The following MITF variants were observed in gnomAD, a reference collection of about 807,000 sequenced individuals.
MITF encodes the protein microphthalmia-associated transcription factor.
Under a neutral mutation model 60.5 loss-of-function variants are expected in MITF, and 17 were observed. The ratio of observed to expected loss-of-function variants is 0.28; its 90% CI spans 0.19 to 0.42. The LOEUF (loss-of-function observed/expected upper bound fraction) is 0.42. MITF is among the 10% of genes least tolerant of loss of function. The pLI, the probability that MITF is intolerant of heterozygous loss-of-function variation, is 1.00. For missense variants in MITF, 622 were observed against 683.5 expected (o/e 0.91, Z 1.00); for synonymous variants, 260 against 248.5 (o/e 1.05, Z -0.43).
chr3:69,821,677 G>GAAA (rs71620104), intron 1 of MITF, among the ~76,000 whole-genome samples: 35,733 of 111,340 alleles, frequency 0.32, 6,335 homozygotes, highest in Non-Finnish European at 0.43. Flanking sequence ...TTTAGAAAAG[G>GAAA]AAAAAAAAAA....
At chr3:69,879,824 A>G (rs1244723306) in intron 2 of MITF, among the ~76,000 whole-genome samples, 1 of 152,202 alleles carries the variant, frequency 6.6e-6, no homozygotes, top group Non-Finnish European at 1.5e-5. Context: ...AGCTCTTCAC[A>G]TATAAGATTG....
At chr3:69,887,607 A>G (rs1352944894) in intron 2 of MITF, among the ~76,000 whole-genome samples, 1 of 152,094 alleles carries the variant, frequency 6.6e-6, no homozygotes, top group Non-Finnish European at 1.5e-5. Flanking sequence ...TCCGAATTGG[A>G]GCATATGAAT....
intron 1 of MITF, among the ~76,000 whole-genome samples, chr3:69,784,000 T>A (rs2062608722): frequency 6.6e-6 from 1 of 152,222 alleles, no homozygotes; most frequent in African/African-American, 2.4e-5. Flanking sequence ...CTCTTTCTTC[T>A]CCCCTTTCAA....
chr3:69,814,797 T>C (rs1022059590), intron 1 of MITF, among the ~76,000 whole-genome samples: 3 of 152,084 alleles, frequency 2.0e-5, no homozygotes, highest in African/African-American at 7.2e-5. Flanking sequence ...TGGAGTCACA[T>C]GGAGATTTGC....
chr3:69,812,403 T>A (rs1575751850), intron 1 of MITF, among the ~76,000 whole-genome samples: 2 of 152,246 alleles, frequency 1.3e-5, no homozygotes, highest in East Asian at 3.9e-4. Context: ...AATGTGAGAT[T>A]TGAGTTGTTT....
chr3:69,777,137 A>C (rs2062487266), intron 1 of MITF, among the ~76,000 whole-genome samples: 2 of 152,214 alleles, frequency 1.3e-5, no homozygotes, highest in South Asian at 4.1e-4. Flanking sequence ...TATTCATGGA[A>C]AATGACTCAT....
chr3:69,958,046 T>C (rs1217134417), intron 8 of MITF, among the ~76,000 whole-genome samples: 2 of 152,126 alleles, frequency 1.3e-5, no homozygotes, highest in African/African-American at 4.8e-5. Flanking sequence ...GTCCCTCTTA[T>C]TACCAAACAA....
At chr3:69,843,441 C>A (rs1392228107) in intron 1 of MITF, among the ~76,000 whole-genome samples, 1 of 152,134 alleles carries the variant, frequency 6.6e-6, no homozygotes, top group Non-Finnish European at 1.5e-5. Context: ...CCTCCCTCCA[C>A]CCCCGGCAAT....
chr3:69,895,808 T>TTGTGTGTGTGTGTGTGTGTG (rs35088149), intron 2 of MITF, among the ~76,000 whole-genome samples: 17 of 140,050 alleles, frequency 1.2e-4, no homozygotes, highest in Non-Finnish European at 9.3e-5. Context: ...TGTGGAGTGT[T>TTGTGTGTGTGTGTGTGTGTG]TGTGTGTGTG....
intron 1 of MITF, among the ~76,000 whole-genome samples, chr3:69,760,064 C>T (rs2062189512): frequency 6.6e-6 from 1 of 152,230 alleles, no homozygotes; most frequent in Non-Finnish European, 1.5e-5. Flanking sequence ...AGGCGTGAGC[C>T]ACTGCGCCCA....
intron 1 of MITF, among the ~76,000 whole-genome samples, chr3:69,752,828 C>T (rs1575664532): frequency 6.6e-6 from 1 of 152,160 alleles, no homozygotes; most frequent in Non-Finnish European, 1.5e-5. Context: ...CCTCCCTTGT[C>T]ATTCTCTCTT....
intron 1 of MITF, among the ~76,000 whole-genome samples, chr3:69,855,950 T>C (rs1433225691): frequency 1.3e-5 from 2 of 152,318 alleles, no homozygotes; most frequent in African/African-American, 2.4e-5. Flanking sequence ...CATGGTGATA[T>C]TCTCAGTCCT....
chr3:69,785,421 C>A (rs2062632454), intron 1 of MITF, among the ~76,000 whole-genome samples: 1 of 152,164 alleles, frequency 6.6e-6, no homozygotes, highest in African/African-American at 2.4e-5. Flanking sequence ...TCTTTCATGT[C>A]AGTTTTACAG....
chr3:69,745,322 A>G (rs1216841959), intron 1 of MITF, among the ~76,000 whole-genome samples: 1 of 152,086 alleles, frequency 6.6e-6, no homozygotes, highest in Non-Finnish European at 1.5e-5. Context: ...ATTGTGCAAA[A>G]TTCAAAGATA....
At chr3:69,789,004 T>A (rs2062696808) in intron 1 of MITF, among the ~76,000 whole-genome samples, 1 of 152,058 alleles carries the variant, frequency 6.6e-6, no homozygotes, top group South Asian at 2.1e-4. Context: ...GAAGAAGATG[T>A]ATGGAAAAAA....
chr3:69,962,861 G>T (rs985708370), intron 9 of MITF, among the ~76,000 whole-genome samples: 1 of 152,184 alleles, frequency 6.6e-6, no homozygotes, highest in Non-Finnish European at 1.5e-5. Flanking sequence ...GCCACTGACT[G>T]GGTGGTAAAC....
At chr3:69,824,467 G>A (rs1218229485) in intron 1 of MITF, among the ~76,000 whole-genome samples, 1 of 152,166 alleles carries the variant, frequency 6.6e-6, no homozygotes, top group African/African-American at 2.4e-5. Context: ...TCTGCTCTGT[G>A]AAAATGGACC....
intron 1 of MITF, among the ~76,000 whole-genome samples, chr3:69,750,509 G>A (rs1195361873): frequency 1.9e-4 from 27 of 143,914 alleles, no homozygotes; most frequent in Admixed American, 1.4e-3. Context: ...ATTCTGATCT[G>A]GTGAATTTTT....
Position 69,879,173 on chromosome 3 carries a change from A to G in MITF, c.144A>G (p.Ile48Met). 1 of 1,614,234 alleles carries G rather than the reference A, an allele frequency of 6.2e-7. No individual in the cohort carries two copies. The highest frequency in any genetic ancestry group is 8.5e-7 in the Non-Finnish European group (1 of 1,180,044). Residue 48 changes from isoleucine to methionine, a missense_variant, in exon 2 of 10, where the codon ATA becomes ATG. By Grantham distance (10) the Ile-to-Met change is conservative. Coordinates refer to ENST00000352241, the MANE Select transcript of MITF (RefSeq NM_001354604.2). ...AEHPGASKPP[I>M]SSSSMTSRIL... is the part of the protein sequence containing the mutation. The stretch of plus-strand genomic sequence containing the variant: ...ATCCTGGGGCCTCCAAGCCTCCGAT[A>G]AGCTCCTCCAGTATGACATCACGCA...
Sources: gnomAD v4.1 joint callset for allele counts (sites outside exome capture counted in the v4.1 genomes callset) on GRCh38, gnomAD v4.1.1 for gene constraint, MANE v1.5 for transcripts, NCBI Gene and HGNC (gene_info 2026-07-23, HGNC 2026-07-21) for gene names.